DBT: variants seen among roughly 807,000 people sequenced by gnomAD.
The protein encoded by DBT is lipoamide acyltransferase component of branched-chain alpha-keto acid dehydrogenase complex, mitochondrial.
A neutral mutation model predicts 51.3 loss-of-function variants in DBT; 40 were observed. That is an observed-to-expected ratio of 0.78 (90% confidence interval 0.61 to 1.02). The LOEUF (loss-of-function observed/expected upper bound fraction) is 1.02. Ranked by LOEUF, DBT falls within the 50% of genes least tolerant of loss-of-function variation. The pLI is 0.00. For missense variants in DBT, 510 were observed against 580.2 expected (o/e 0.88, Z 1.24); for synonymous variants, 181 against 190.4 (o/e 0.95, Z 0.41).
chr1:100,230,608 A>T, intron 4 of DBT, 125 bp downstream of exon 4: 1 of 594,614 alleles, frequency 1.7e-6, no homozygotes, highest in Non-Finnish European at 2.9e-6. Context: ...TTTCCTCAAG[A>T]GCTAAAAATA....
chr1:100,229,201 T>G (rs1267695539), intron 4 of DBT, among the ~76,000 whole-genome samples: 1 of 152,008 alleles, frequency 6.6e-6, no homozygotes, highest in Non-Finnish European at 1.5e-5. Flanking sequence ...GGAGTCTTGC[T>G]CTGTCACCTA....
chr1:100,225,045 A>ATATG lies in DBT; in HGVS notation c.433+5687_433+5688insCATA, dbSNP rs1360954291. On this transcript the variant is annotated intron_variant, in intron 4 of 10. Coordinates refer to ENST00000370132, the MANE Select transcript of DBT (RefSeq NM_001918.5). ...CCCAAAAAAAAAAAAAAAAAAAAAT[A>ATATG]TATATATACACACACACACACACAC... 7.0e-3 allele frequency among the ~76,000 whole-genome samples: 548 copies of ATATG among 78,210 alleles called. 17 individuals are homozygous for ATATG. The highest frequency in any genetic ancestry group is 0.011 in the Non-Finnish European group (389 of 36,938). The allele number at this position is 78,210 out of a possible 152,430, so 51.3% of individuals were successfully genotyped here.
intron 7 of DBT, chr1:100,213,336 A>G: frequency 6.6e-7 from 1 of 1,520,198 alleles, no homozygotes; most frequent in South Asian, 1.2e-5. Flanking sequence ...CCCGCCTACA[A>G]CCTGGAGGCC....
chr1:100,205,384 G>A (rs1463098644), intron 10 of DBT, among the ~76,000 whole-genome samples: 4 of 152,148 alleles, frequency 2.6e-5, no homozygotes, highest in Admixed American at 2.6e-4. Context: ...TTAGAGAAAT[G>A]CAAATCAAAA....
At chr1:100,249,724 G>T in intron 1 of DBT, 46 bp downstream of exon 1, 1 of 1,595,716 alleles carries the variant, frequency 6.3e-7, no homozygotes, top group South Asian at 1.1e-5. Flanking sequence ...GATGACTCCG[G>T]ACAAATCACT....
At chr1:100,209,974 A>C (rs1191524708) in intron 8 of DBT, among the ~76,000 whole-genome samples, 2 of 152,186 alleles carry the variant, frequency 1.3e-5, no homozygotes, top group Non-Finnish European at 2.9e-5. Flanking sequence ...AATTGAATTC[A>C]AACTTTTATT....
At chr1:100,232,973 A>G (rs1663634379) in intron 3 of DBT, among the ~76,000 whole-genome samples, 1 of 152,228 alleles carries the variant, frequency 6.6e-6, no homozygotes, top group Non-Finnish European at 1.5e-5. Flanking sequence ...AATACACAGT[A>G]AAAAGTTTAC....
intron 3 of DBT, among the ~76,000 whole-genome samples, chr1:100,234,722 A>T (rs1479457026): frequency 6.6e-6 from 1 of 152,182 alleles, no homozygotes; most frequent in Admixed American, 6.5e-5. Context: ...TCTTTCCATA[A>T]TCCCACAGTG....
intron 3 of DBT, among the ~76,000 whole-genome samples, chr1:100,233,244 C>G (rs1663645773): frequency 6.6e-6 from 1 of 152,104 alleles, no homozygotes; most frequent in South Asian, 2.1e-4. Context: ...GCTATACTAT[C>G]AGACAAAATA....
In DBT at chr1:100,206,580, A is replaced by T. The variant is rs1001746806; in HGVS notation, c.1074T>A (p.Asn358Lys). Reference sequence around the variant, plus strand: ...TAGAGCAGATCTGAACATTTTTCACATTAGGGACAATCAAACCCTGCTCAG... The same window carrying T: ...TAGAGCAGATCTGAACATTTTTCACTTTAGGGACAATCAAACCCTGCTCAG... Reference protein sequence around the residue: ...MDTEQGLIVPNVKNVQICSIF... With the variant: ...MDTEQGLIVPKVKNVQICSIF... Residue 358 changes from asparagine to lysine, a missense_variant, in exon 9 of 11, where the codon AAT (asparagine) becomes AAA (lysine). Asn to Lys is a moderately conservative substitution (Grantham distance 94, BLOSUM62 0). Coordinates refer to ENST00000370132, the MANE Select transcript of DBT (RefSeq NM_001918.5). The T allele has an allele frequency of 6.2e-7, 1 of 1,612,688 alleles. No individual in the cohort carries two copies. The highest frequency in any genetic ancestry group is 1.1e-5 in the South Asian group (1 of 91,054).
chr1:100,196,436 A>ATT lies in DBT; in HGVS notation c.1282-15_1282-14insAA. On this transcript the variant is annotated splice_polypyrimidine_tract_variant and intron_variant, in intron 10 of 10. Coordinates refer to ENST00000370132, the MANE Select transcript of DBT (RefSeq NM_001918.5). ...TCGGGGAATGGCCTAGAAATGAAAA[A>ATT]AAAAAAAAAAAAAAAAAAAAAAAGA... 5 of 170,772 alleles carry ATT rather than the reference A, an allele frequency of 2.9e-5. No individual in the cohort carries two copies. Among genetic ancestry groups the ATT allele is most frequent in the East Asian group, 4.1e-4 (1 of 2,440 alleles). The allele number at this position is 170,772 out of a possible 1,614,324, so 10.6% of individuals were successfully genotyped here. A position where few individuals can be genotyped will look rare whatever the true frequency, so the allele number is the denominator to read the frequency against.
chr1:100,233,686 G>T (rs948291416), intron 3 of DBT, among the ~76,000 whole-genome samples: 1 of 152,224 alleles, frequency 6.6e-6, no homozygotes, highest in African/African-American at 2.4e-5. Context: ...GAACAAAGGA[G>T]ACAGGGTCAT....
chr1:100,200,193 C>T (rs565311360), intron 10 of DBT, among the ~76,000 whole-genome samples: 17 of 152,260 alleles, frequency 1.1e-4, no homozygotes, highest in Non-Finnish European at 2.1e-4. Flanking sequence ...AGTCTGAAGT[C>T]GACCTGGGAT....
At chr1:100,228,365 A>G (rs901142947) in intron 4 of DBT, among the ~76,000 whole-genome samples, 4 of 152,234 alleles carry the variant, frequency 2.6e-5, no homozygotes, top group African/African-American at 9.6e-5. Flanking sequence ...GGTGCAATGT[A>G]TGGTCCTATA....
chr1:100,225,079 A>C (rs1663110121), intron 4 of DBT, among the ~76,000 whole-genome samples: 1 of 145,240 alleles, frequency 6.9e-6, no homozygotes, highest in Admixed American at 7.1e-5. Flanking sequence ...ACACACACAC[A>C]CACACACACA....
Position 100,218,597 on chromosome 1 carries a change from T to C in DBT, c.555+29A>G, listed in dbSNP as rs528465421. On this transcript the variant is annotated intron_variant, in intron 5 of 10. Transcript: ENST00000370132. ...ATACAAATGTACACTTCCTATACAA[T>C]CTCAGACTTAAATATTAAGAGAACT... 4.3e-6 allele frequency: 7 copies of C among 1,612,896 alleles called. No homozygotes were observed. The African/African-American group carries it at 8.0e-5, about 18-fold the overall frequency.
intron 1 of DBT, among the ~76,000 whole-genome samples, chr1:100,248,230 G>T (rs191265762): frequency 6.6e-6 from 1 of 152,100 alleles, no homozygotes; most frequent in East Asian, 1.9e-4. Flanking sequence ...CATAAAAGAA[G>T]AAGTCGTAGC....
Position 100,210,749 on chromosome 1 carries a change from T to A in DBT, c.962A>T (p.Gln321Leu), listed in dbSNP as rs758048048. The change falls in exon 8 of 11, where the codon CAG becomes CTG. Residue 321 changes from glutamine (Q) to leucine (L), a missense_variant. Gln to Leu is a moderately radical substitution (Grantham distance 113). Transcript: ENST00000370132. ...FLKAASLGLL[Q>L]FPILNASVDE... ...CACAGAAGCGTTAAGGATAGGAAAC[T>A]GTAGTAATCCCAAGGAAGCAGCCTG... The A allele has an allele frequency of 2.5e-6, 4 of 1,613,754 alleles. No homozygotes were observed. The highest frequency in any genetic ancestry group is 3.4e-6 in the Non-Finnish European group (4 of 1,179,738).
At chr1:100,218,826 A>C in intron 4 of DBT, 79 bp from the exon 5 acceptor site, 1 of 1,097,376 alleles carries the variant, frequency 9.1e-7, no homozygotes, top group South Asian at 1.3e-5. Flanking sequence ...GGCCACTAAG[A>C]TGTGGCCTAT....
Sources: gnomAD v4.1 joint callset for allele counts (sites outside exome capture counted in the v4.1 genomes callset) on GRCh38, gnomAD v4.1.1 for gene constraint, MANE v1.5 for transcripts, NCBI Gene and HGNC (gene_info 2026-07-23, HGNC 2026-07-21) for gene names.